The following IL1RAPL2 variants were observed in gnomAD, a reference collection of about 807,000 sequenced individuals.
The protein encoded by IL1RAPL2 is X-linked interleukin-1 receptor accessory protein-like 2.
Under a neutral mutation model 44.1 loss-of-function variants are expected in IL1RAPL2, and 3 were observed. The observed-to-expected ratio is 0.07, with a 90% CI of 0.03 to 0.18. The LOEUF (loss-of-function observed/expected upper bound fraction) is 0.18, where lower values mean the gene tolerates loss of function less well. Ranked by LOEUF, IL1RAPL2 falls within the 10% of genes least tolerant of loss-of-function variation. IL1RAPL2 has a pLI of 1.00. For synonymous variants in IL1RAPL2, 181 were observed against 178.8 expected (o/e 1.01, Z -0.10); for missense variants, 391 against 496.4 (o/e 0.79, Z 2.02).
intron 5 of IL1RAPL2, among the ~76,000 whole-genome samples, chrX:105,475,084 T>C (rs2036189085): frequency 9.0e-6 from 1 of 111,728 alleles, no homozygotes. Context: ...TTATACATTG[T>C]CATGAGGATT....
At chrX:105,424,953 C>T (rs1014367806) in intron 5 of IL1RAPL2, among the ~76,000 whole-genome samples, 1 of 109,181 alleles carries the variant, frequency 9.2e-6, no homozygotes, top group Non-Finnish European at 1.9e-5. Flanking sequence ...TTTTGGTTGC[C>T]AGCTGGGCTT....
rs1047682644 is a variant in IL1RAPL2 at position 104,782,650 on chromosome X, A to T, written c.82+123655A>T. Among the ~76,000 whole-genome samples the T allele has an allele frequency of 7.2e-5, 8 of 111,488 alleles. No individual in the cohort carries two copies. In the East Asian group the frequency reaches 2.0e-3, roughly 28 times the overall value. ...GCTTTTATTCTTGTAAATATTCATCAGCTCAGCATTTTCTTTGCTGAGCAC... is the reference window on the plus strand; with the variant it reads ...GCTTTTATTCTTGTAAATATTCATCTGCTCAGCATTTTCTTTGCTGAGCAC... On this transcript the variant is annotated intron_variant, in intron 2 of 10. Coordinates refer to ENST00000372582, the MANE Select transcript of IL1RAPL2 (RefSeq NM_017416.2).
At chrX:105,727,645 T>C (rs1005983918) in intron 7 of IL1RAPL2, among the ~76,000 whole-genome samples, 1 of 111,629 alleles carries the variant, frequency 9.0e-6, no homozygotes, top group African/African-American at 3.2e-5. Context: ...ATTTGGAATC[T>C]GCCTGCTAAT....
At chrX:105,200,917 A>G (rs781901250) in intron 3 of IL1RAPL2, among the ~76,000 whole-genome samples, 1 of 105,032 alleles carries the variant, frequency 9.5e-6, no homozygotes, top group Non-Finnish European at 1.9e-5. Flanking sequence ...TTTCACACCC[A>G]CACACACACA....
At chrX:105,318,175 A>T (rs1398344416) in intron 5 of IL1RAPL2, among the ~76,000 whole-genome samples, 2 of 110,318 alleles carry the variant, frequency 1.8e-5, no homozygotes, top group East Asian at 5.8e-4. Context: ...GGGTTTCACC[A>T]CGTTAGCCAG....
At chrX:105,307,675 G>T (rs2034761885) in intron 5 of IL1RAPL2, among the ~76,000 whole-genome samples, 2 of 69,962 alleles carry the variant, frequency 2.9e-5, no homozygotes, top group African/African-American at 1.2e-4. Flanking sequence ...ATTATATACA[G>T]TACACATATA....
intron 2 of IL1RAPL2, among the ~76,000 whole-genome samples, chrX:105,014,421 G>A (rs1009489863): frequency 1.0e-4 from 11 of 110,343 alleles, no homozygotes; most frequent in Admixed American, 1.9e-4. Flanking sequence ...CCATCGACCC[G>A]TCATCTACAG....
At chrX:104,936,160 A>G (rs2147699913) in intron 2 of IL1RAPL2, among the ~76,000 whole-genome samples, 1 of 111,451 alleles carries the variant, frequency 9.0e-6, no homozygotes, top group South Asian at 3.7e-4. Context: ...CTCCCATTTC[A>G]TTCCCTGTCA....
intron 2 of IL1RAPL2, among the ~76,000 whole-genome samples, chrX:104,947,101 C>T (rs201906211): frequency 1.8e-5 from 2 of 111,253 alleles, no homozygotes; most frequent in African/African-American, 3.3e-5. Flanking sequence ...TTTTAATGAT[C>T]ACCATTCTAA....
At chrX:105,079,178 G>A (rs1456956175) in intron 2 of IL1RAPL2, among the ~76,000 whole-genome samples, 1 of 111,889 alleles carries the variant, frequency 8.9e-6, no homozygotes, top group Non-Finnish European at 1.9e-5. Flanking sequence ...CAGTCATGCT[G>A]GAGAGGTTGT....
At chrX:105,519,692 G>A (rs766349610) in intron 6 of IL1RAPL2, among the ~76,000 whole-genome samples, 1 of 111,410 alleles carries the variant, frequency 9.0e-6, no homozygotes, top group Non-Finnish European at 1.9e-5. Context: ...CAGGGAAATA[G>A]CAAAGTCATG....
chrX:105,017,427 A>C (rs376802305), intron 2 of IL1RAPL2, among the ~76,000 whole-genome samples: 1 of 111,558 alleles, frequency 9.0e-6, no homozygotes, highest in Non-Finnish European at 1.9e-5. Flanking sequence ...ATTTTAAAAA[A>C]ATACTTATGC....
rs764918412 is a variant in IL1RAPL2, at chrX:105,054,768, A to T, written c.83-140707A>T. Reference sequence around the variant, plus strand: ...TTTCTTGGACAGTACTGATCTAGATAACCCTGCTCCTAACCTAGATTTCTT... The same window carrying T: ...TTTCTTGGACAGTACTGATCTAGATTACCCTGCTCCTAACCTAGATTTCTT... On this transcript the variant is annotated intron_variant, in intron 2 of 10. Coordinates refer to ENST00000372582, the MANE Select transcript of IL1RAPL2 (RefSeq NM_017416.2). Among the ~76,000 whole-genome samples the T allele has an allele frequency of 1.1e-4, 12 of 112,292 alleles. No individual in the cohort carries two copies. The Middle Eastern group carries it at 0.032, about 302-fold the overall frequency.
chrX:105,681,002 T>C (rs2037920642), intron 6 of IL1RAPL2, among the ~76,000 whole-genome samples: 1 of 111,891 alleles, frequency 8.9e-6, no homozygotes, highest in East Asian at 2.8e-4. Flanking sequence ...GACCTAATGG[T>C]AATAGATTGC....
chrX:105,681,256 G>T (rs1459747499), intron 6 of IL1RAPL2, among the ~76,000 whole-genome samples: 1 of 111,106 alleles, frequency 9.0e-6, no homozygotes, highest in Admixed American at 9.6e-5. Flanking sequence ...GGGAGAACAA[G>T]GAGGAGGAGA....
At chrX:105,734,098 G>A (rs1308737363) in intron 7 of IL1RAPL2, among the ~76,000 whole-genome samples, 1 of 110,301 alleles carries the variant, frequency 9.1e-6, no homozygotes, top group Non-Finnish European at 1.9e-5. Flanking sequence ...TTTTCCTCGA[G>A]ATTACTTCTT....
At chrX:104,602,949 G>A (rs1928916302) in intron 1 of IL1RAPL2, among the ~76,000 whole-genome samples, 1 of 111,669 alleles carries the variant, frequency 9.0e-6, no homozygotes, top group Non-Finnish European at 1.9e-5. Context: ...GAGAGCAGTG[G>A]ACCTCCCAGC....
chrX:104,727,227 T>A (rs1009806772), intron 2 of IL1RAPL2, among the ~76,000 whole-genome samples: 6 of 110,952 alleles, frequency 5.4e-5, no homozygotes, highest in African/African-American at 1.6e-4. Context: ...TACAAGGAAC[T>A]CAAATGTCTC....
intron 5 of IL1RAPL2, among the ~76,000 whole-genome samples, chrX:105,438,752 A>G (rs994231989): frequency 1.8e-5 from 2 of 110,068 alleles, no homozygotes; most frequent in Admixed American, 9.8e-5. Context: ...TCACAACCTC[A>G]AGGAGAAGAC....
Sources: allele counts gnomAD v4.1 joint callset (sites outside exome capture counted in the v4.1 genomes callset), GRCh38; gene constraint gnomAD v4.1.1; transcripts MANE v1.5; gene names NCBI Gene and HGNC (gene_info 2026-07-23, HGNC 2026-07-21).